The following DNAH6 variants were observed in gnomAD, a reference collection of about 807,000 sequenced individuals.
DNAH6 encodes dynein axonemal heavy chain 6, also known as axonemal beta dynein heavy chain 6.
In DNAH6, 340 loss-of-function variants were observed where a neutral mutation model predicts 491.4. The ratio of observed to expected loss-of-function variants is 0.69; its 90% CI spans 0.63 to 0.76. The LOEUF (loss-of-function observed/expected upper bound fraction) is 0.76, where lower values mean the gene tolerates loss of function less well. Among genes scored for constraint, DNAH6 ranks in the 30% least tolerant of loss-of-function variants. The pLI is 0.00. For missense variants in DNAH6, 4,443 were observed against 4,972.2 expected (o/e 0.89, Z 3.20); for synonymous variants, 1,603 against 1,686.1 (o/e 0.95, Z 1.21).
At chr2:84,615,131 T>C (rs1221529345) in intron 22 of DNAH6, among the ~76,000 whole-genome samples, 2 of 152,022 alleles carry the variant, frequency 1.3e-5, no homozygotes, top group Non-Finnish European at 2.9e-5. Flanking sequence ...TGTCAAGAGG[T>C]GTTTTTCCAA....
chr2:84,677,204 T>C, intron 41 of DNAH6, 68 bp downstream of exon 41: 1 of 1,539,912 alleles, frequency 6.5e-7, no homozygotes, highest in Non-Finnish European at 8.8e-7. Context: ...GCTCCCACAA[T>C]CAAAGTGGTG....
the DNAH6 span, among the ~76,000 whole-genome samples, chr2:84,481,359 C>T: frequency 2.0e-5 from 3 of 152,058 alleles, no homozygotes; most frequent in African/African-American, 7.2e-5. Context: ...TTAAGAGAAA[C>T]AAGATAAAAT....
chr2:84,562,199 A>G (rs1055218587), intron 11 of DNAH6, among the ~76,000 whole-genome samples: 1 of 152,178 alleles, frequency 6.6e-6, no homozygotes, highest in Non-Finnish European at 1.5e-5. Flanking sequence ...TGAAAGGTTA[A>G]TAAGGAAACA....
At chr2:84,775,798 A>G (rs1163465150) in intron 64 of DNAH6, among the ~76,000 whole-genome samples, 1 of 152,062 alleles carries the variant, frequency 6.6e-6, no homozygotes, top group African/African-American at 2.4e-5. Context: ...GTTTCAATGC[A>G]TAGAGTTATT....
chr2:84,665,433 A>T (rs1267041831), intron 37 of DNAH6, among the ~76,000 whole-genome samples: 2 of 152,192 alleles, frequency 1.3e-5, no homozygotes, highest in Non-Finnish European at 2.9e-5. Flanking sequence ...CACCAATCCC[A>T]CAGAAATACA....
the DNAH6 span, among the ~76,000 whole-genome samples, chr2:84,471,481 C>T: frequency 4.6e-5 from 7 of 152,272 alleles, no homozygotes; most frequent in African/African-American, 1.2e-4. Context: ...TGAATAGGGG[C>T]GATGATATTC....
At chr2:84,815,572 C>G (rs1680410402) in intron 75 of DNAH6, among the ~76,000 whole-genome samples, 2 of 152,152 alleles carry the variant, frequency 1.3e-5, no homozygotes, top group Non-Finnish European at 2.9e-5. Context: ...GATATATAAT[C>G]TGTCTTCTAG....
At chr2:84,586,327 T>C (rs1312058518) in intron 15 of DNAH6, among the ~76,000 whole-genome samples, 1 of 152,212 alleles carries the variant, frequency 6.6e-6, no homozygotes, top group Non-Finnish European at 1.5e-5. Flanking sequence ...CCATGGAGTG[T>C]GCAGCCCTGG....
In DNAH6 at chr2:84,740,843, G is replaced by A. The variant is rs961301889; in HGVS notation, c.10343-4237G>A. On this transcript the variant is annotated intron_variant, in intron 62 of 76. Coordinates refer to ENST00000389394, the MANE Select transcript of DNAH6 (RefSeq NM_001370.2). ...CTCCAGTCTTGTGATGGGAGAGAGC[G>A]TAATTCCACCACCTACTACTGGGGC... Among the ~76,000 whole-genome samples the A allele has an allele frequency of 4.6e-5, 7 of 152,158 alleles. No individual in the cohort carries two copies. In the East Asian group the frequency reaches 9.6e-4, roughly 21 times the overall value.
Position 84,584,067 on chromosome 2 carries a change from G to T in DNAH6, c.2298G>T (p.Val766=). ...ACAAGCTTATGGAACAATATCAGGT[G>T]CCCACACCTCCTGAAGACTTTGCTG... ...QMYKLMEQYQ[V]PTPPEDFAVF... The change falls in exon 15 of 77, where the codon GTG becomes GTT. Residue 766 remains valine, a synonymous_variant. Coordinates refer to ENST00000389394, the MANE Select transcript of DNAH6 (RefSeq NM_001370.2). 6.2e-7 allele frequency: 1 copy of T among 1,614,132 alleles called. No individual in the cohort carries two copies. Among genetic ancestry groups the T allele is most frequent in the Non-Finnish European group, 8.5e-7 (1 of 1,180,018 alleles).
intron 63 of DNAH6, among the ~76,000 whole-genome samples, chr2:84,758,418 T>C (rs185308078): frequency 2.0e-5 from 3 of 152,236 alleles, no homozygotes. Context: ...CTCTAATACA[T>C]TCTATGAGGC....
At chr2:84,709,224 G>T (rs912438120) in intron 54 of DNAH6, 119 bp from the exon 55 acceptor site, 2 of 995,886 alleles carry the variant, frequency 2.0e-6, no homozygotes, top group Non-Finnish European at 3.0e-6. Context: ...CACATCTGTG[G>T]AGACTGGGAG....
At chr2:84,492,790 C>A in the DNAH6 span, among the ~76,000 whole-genome samples, 3 of 152,100 alleles carry the variant, frequency 2.0e-5, no homozygotes, top group Admixed American at 1.3e-4. Flanking sequence ...TATCTTCTTA[C>A]CATTTGAAAC....
At chr2:84,763,063 T>C (rs1674741351) in intron 64 of DNAH6, 118 bp downstream of exon 64, 1 of 729,748 alleles carries the variant, frequency 1.4e-6, no homozygotes. Flanking sequence ...TATCACTTAC[T>C]ACATAAATTT....
intron 37 of DNAH6, among the ~76,000 whole-genome samples, chr2:84,661,272 T>C (rs1204265441): frequency 6.6e-6 from 1 of 152,082 alleles, no homozygotes; most frequent in African/African-American, 2.4e-5. Flanking sequence ...ACAACCCAGT[T>C]TTTAAAAAGG....
chr2:84,490,807 C>T, the DNAH6 span, among the ~76,000 whole-genome samples: 1 of 152,082 alleles, frequency 6.6e-6, no homozygotes, highest in Admixed American at 6.6e-5. Context: ...AGTGATCCAC[C>T]CACCTCCACC....
In DNAH6 at chr2:84,557,767, A is replaced by G. The variant is rs368614268; in HGVS notation, c.1635A>G (p.Gln545=). ...DGILGAVNHC[Q]NTVLSVPNLV... Reference sequence around the variant, plus strand: ...TTTTGGGTGCAGTTAATCACTGTCAAAACACTGTGTTATCAGTTCCTAATC... The same window carrying G: ...TTTTGGGTGCAGTTAATCACTGTCAGAACACTGTGTTATCAGTTCCTAATC... The change falls in exon 11 of 77, where the codon CAA becomes CAG. Residue 545 remains glutamine, a synonymous_variant. Coordinates refer to ENST00000389394, the MANE Select transcript of DNAH6 (RefSeq NM_001370.2). 2 of 1,609,762 alleles carry G rather than the reference A, an allele frequency of 1.2e-6. No homozygotes were observed. Among genetic ancestry groups the G allele is most frequent in the Non-Finnish European group, 1.7e-6 (2 of 1,177,236 alleles).
At chr2:84,669,240 C>A in intron 37 of DNAH6, 49 bp from the exon 38 acceptor site, 1 of 1,382,352 alleles carries the variant, frequency 7.2e-7, no homozygotes, top group South Asian at 1.2e-5. Context: ...TACTGTGTGT[C>A]AATATTGCTT....
intron 67 of DNAH6, among the ~76,000 whole-genome samples, chr2:84,786,025 T>C (rs1338365558): frequency 2.6e-5 from 4 of 152,140 alleles, no homozygotes; most frequent in Non-Finnish European, 5.9e-5. Flanking sequence ...AAGCACAAAA[T>C]AGATTTCCTC....
Sources: gnomAD v4.1 joint callset for allele counts (sites outside exome capture counted in the v4.1 genomes callset) on GRCh38, gnomAD v4.1.1 for gene constraint, MANE v1.5 for transcripts, NCBI Gene and HGNC (gene_info 2026-07-23, HGNC 2026-07-21) for gene names.